The following ANO3 variants were observed in gnomAD, a reference collection of about 807,000 sequenced individuals.
ANO3 encodes anoctamin-3.
ANO3 carries 99 observed loss-of-function variants against 144.8 expected under a neutral mutation model. That is an observed-to-expected ratio of 0.68 (90% CI 0.58 to 0.81). The LOEUF (loss-of-function observed/expected upper bound fraction) is 0.81. Among genes scored for constraint, ANO3 ranks in the 30% least tolerant of loss-of-function variants. ANO3 has a pLI of 0.00. For synonymous variants in ANO3, 414 were observed against 392.6 expected (o/e 1.05, Z -0.64); for missense variants, 905 against 1,202.2 (o/e 0.75, Z 3.66).
intron 14 of ANO3, among the ~76,000 whole-genome samples, chr11:26,570,717 G>A (rs1850789919): frequency 6.6e-6 from 1 of 152,220 alleles, no homozygotes; most frequent in South Asian, 2.1e-4. Flanking sequence ...GATGGGTTTT[G>A]TTTGTCTCTC....
rs191641333 is a variant in ANO3 at position 26,399,156 on chromosome 11, T to C, written c.47-42762T>C. 2.9e-3 allele frequency among the ~76,000 whole-genome samples: 437 copies of C among 152,036 alleles called. 1 individual carries two copies. Among genetic ancestry groups the C allele is most frequent in the African/African-American group, 9.7e-3 (401 of 41,520 alleles). ...AAATTCTGCCCAACCTCACCTTTTT[T>C]TCGCTGTCTCATAGCCCCATGTTAC... is the stretch of plus-strand genomic sequence containing the variant. On this transcript the variant is annotated intron_variant, in intron 1 of 26. Transcript: ENST00000256737.
chr11:26,636,426 A>T (rs1852960580), intron 20 of ANO3, among the ~76,000 whole-genome samples: 1 of 152,212 alleles, frequency 6.6e-6, no homozygotes, highest in Non-Finnish European at 1.5e-5. Context: ...TTATGAAATC[A>T]ATATGAAAAA....
intron 1 of ANO3, among the ~76,000 whole-genome samples, chr11:26,366,829 GT>G (rs139503374): frequency 0.25 from 35,345 of 144,210 alleles, 4,887 homozygotes; most frequent in African/African-American, 0.38. Context: ...GGGGTTGTTT[GT>G]TTTTTTCTTG....
chr11:26,221,320 A>T (rs910917128), intron 1 of ANO3, among the ~76,000 whole-genome samples: 1 of 152,202 alleles, frequency 6.6e-6, no homozygotes, highest in African/African-American at 2.4e-5. Context: ...CCACTTGTGT[A>T]CACTGTGGCA....
intron 13 of ANO3, among the ~76,000 whole-genome samples, chr11:26,557,491 C>T (rs370854354): frequency 1.6e-4 from 24 of 151,224 alleles, no homozygotes; most frequent in African/African-American, 5.3e-4. Context: ...GAACAAAATG[C>T]TTGCCATGGG....
chr11:26,236,377 T>G (rs1852521915), intron 1 of ANO3, among the ~76,000 whole-genome samples: 1 of 152,218 alleles, frequency 6.6e-6, no homozygotes, highest in Admixed American at 6.5e-5. Flanking sequence ...TATATTATAC[T>G]ATACTTCAAG....
At chr11:26,576,263 G>T (rs527545385) in intron 14 of ANO3, among the ~76,000 whole-genome samples, 1 of 152,282 alleles carries the variant, frequency 6.6e-6, no homozygotes, top group Non-Finnish European at 1.5e-5. Context: ...GTACAATAAA[G>T]AAAGTGACAC....
chr11:26,490,093 AG>A (rs1860641419), intron 4 of ANO3, among the ~76,000 whole-genome samples: 1 of 152,136 alleles, frequency 6.6e-6, no homozygotes, highest in Admixed American at 6.5e-5. Context: ...TATCTCCCAG[AG>A]TTCCCATGTG....
At chr11:26,647,438 C>T (rs1853381479) in intron 23 of ANO3, among the ~76,000 whole-genome samples, 1 of 152,162 alleles carries the variant, frequency 6.6e-6, no homozygotes, top group Non-Finnish European at 1.5e-5. Flanking sequence ...TGCACCTGTG[C>T]ACCTGTGCCA....
At chr11:26,239,876 A>G (rs1852622619) in intron 1 of ANO3, among the ~76,000 whole-genome samples, 2 of 152,218 alleles carry the variant, frequency 1.3e-5, no homozygotes, top group Non-Finnish European at 2.9e-5. Context: ...TTGAGTTTTC[A>G]GTGACAGATT....
chr11:26,573,039 CTG>C (rs1279622716), intron 14 of ANO3, among the ~76,000 whole-genome samples: 5 of 152,280 alleles, frequency 3.3e-5, no homozygotes, highest in Admixed American at 2.6e-4. Context: ...AAGAGTGAAA[CTG>C]GGATCTTCCG....
chr11:26,340,315 G>T (rs1418384543), intron 1 of ANO3, among the ~76,000 whole-genome samples: 1 of 152,148 alleles, frequency 6.6e-6, no homozygotes, highest in Non-Finnish European at 1.5e-5. Context: ...TGGGAGGGTG[G>T]TGGTGGCTAC....
At chr11:26,308,609 G>A (rs1478258795), upstream of ANO3, among the ~76,000 whole-genome samples, 2 of 152,230 alleles carry the variant, frequency 1.3e-5, no homozygotes, top group East Asian at 3.9e-4. Flanking sequence ...AATTGAATAA[G>A]CTTAGGCAAC....
rs1396355430 is a variant in ANO3, at chr11:26,475,842, G to A, written c.432+12694G>A. Among the ~76,000 whole-genome samples, 4 of 151,972 alleles carry A rather than the reference G, an allele frequency of 2.6e-5. No individual in the cohort carries two copies. The South Asian group carries it at 8.3e-4, about 32-fold the overall frequency. On this transcript the variant is annotated intron_variant, in intron 4 of 26. Coordinates refer to ENST00000256737, the MANE Select transcript of ANO3 (RefSeq NM_031418.4). The stretch of plus-strand genomic sequence containing the variant: ...TTAAGGTTCAAATCTCACATTCTAA[G>A]AAATTCTGGCTACATCATCTTTAAA...
At chr11:26,563,630 G>A (rs1850393029) in intron 14 of ANO3, among the ~76,000 whole-genome samples, 1 of 151,838 alleles carries the variant, frequency 6.6e-6, no homozygotes, top group African/African-American at 2.4e-5. Context: ...GAACTTTAAT[G>A]ATGAAATGAA....
At position 26,473,850 on chromosome 11, in the gene ANO3, A is replaced by G. The variant is rs987298752; in HGVS notation, c.432+10702A>G. ...CCCTATAACCAACTCCTAAAATGAA[A>G]TTAATAAAAAATACAGATGTTCTTA... On this transcript the variant is annotated intron_variant, in intron 4 of 26. Coordinates refer to ENST00000256737, the MANE Select transcript of ANO3 (RefSeq NM_031418.4). 25 of 890,146 alleles carry G rather than the reference A, an allele frequency of 2.8e-5. No homozygotes were observed. In the African/African-American group the frequency reaches 4.3e-4, roughly 15 times the overall value. The allele number at this position is 890,146 out of a possible 1,614,324, so 55.1% of individuals were successfully genotyped here. A position where few individuals can be genotyped will look rare whatever the true frequency, so the allele number is the denominator to read the frequency against.
intron 1 of ANO3, among the ~76,000 whole-genome samples, chr11:26,435,629 C>T (rs939799593): frequency 2.0e-5 from 3 of 152,066 alleles, no homozygotes; most frequent in Non-Finnish European, 2.9e-5. Context: ...GTCTGACTGT[C>T]TTCTTTAAGT....
chr11:26,435,407 G>T (rs1057153785), intron 1 of ANO3, among the ~76,000 whole-genome samples: 1 of 152,134 alleles, frequency 6.6e-6, no homozygotes, highest in Non-Finnish European at 1.5e-5. Flanking sequence ...AGATGGTCTT[G>T]TGTAGAATCT....
At chr11:26,643,119 A>G in intron 22 of ANO3, 63 bp from the exon 23 acceptor site, 1 of 1,514,250 alleles carries the variant, frequency 6.6e-7, no homozygotes. Context: ...CAATTTATAT[A>G]AAGCACCAAA....
Sources: allele counts gnomAD v4.1 joint callset (sites outside exome capture counted in the v4.1 genomes callset), GRCh38; gene constraint gnomAD v4.1.1; transcripts MANE v1.5; gene names NCBI Gene and HGNC (gene_info 2026-07-23, HGNC 2026-07-21).